SS18: variants seen among roughly 807,000 people sequenced by gnomAD.
SS18 encodes the protein SS18 subunit of BAF chromatin remodeling complex.
In SS18, 28 loss-of-function variants were observed where a neutral mutation model predicts 72.5. That is an observed-to-expected ratio of 0.39 (90% CI 0.29 to 0.53). The LOEUF is 0.53. SS18 is among the 20% of genes least tolerant of loss of function. SS18 has a pLI of 0.76. For synonymous variants in SS18, 172 were observed against 164.2 expected, an observed-to-expected ratio of 1.05 and a Z score of -0.37; for missense variants, 518 against 535.3, an observed-to-expected ratio of 0.97 and a Z score of 0.32.
At chr18:26,088,910 C>T (rs1230611357) in intron 1 of SS18, among the ~76,000 whole-genome samples, 5 of 152,026 alleles carry the variant, frequency 3.3e-5, no homozygotes, top group Non-Finnish European at 7.4e-5. Flanking sequence ...ACATGATCTG[C>T]TAATAAATGC....
intron 2 of SS18, chr18:26,080,343 G>T (rs1221117586): frequency 1.3e-5 from 13 of 984,272 alleles, no homozygotes; most frequent in Non-Finnish European, 1.4e-5. Flanking sequence ...CTTTGCTTGA[G>T]TATTAGTATG....
intron 4 of SS18, among the ~76,000 whole-genome samples, chr18:26,055,772 T>G (rs959412295): frequency 1.0e-4 from 15 of 150,338 alleles, no homozygotes; most frequent in African/African-American, 2.2e-4. Flanking sequence ...TTTTGTTTTT[T>G]TTTTTTGATG....
intron 3 of SS18, among the ~76,000 whole-genome samples, chr18:26,059,181 C>CA (rs1251950745): frequency 6.6e-6 from 1 of 152,098 alleles, no homozygotes; most frequent in Non-Finnish European, 1.5e-5. Flanking sequence ...AAAATCTAGA[C>CA]AAAAAGTAAA....
chr18:26,089,759 T>C (rs2054682365), intron 1 of SS18: 1 of 152,212 alleles, frequency 6.6e-6, no homozygotes, highest in African/African-American at 2.4e-5. Context: ...ACGACTTACA[T>C]TAACTGGTCA....
intron 5 of SS18, among the ~76,000 whole-genome samples, chr18:26,041,403 G>A (rs985335093): frequency 5.3e-5 from 8 of 152,120 alleles, no homozygotes; most frequent in East Asian, 1.9e-4. Flanking sequence ...CAGCCTGGGC[G>A]ACAAGTGTGA....
intron 2 of SS18, among the ~76,000 whole-genome samples, chr18:26,084,677 G>C (rs2054586382): frequency 6.6e-6 from 1 of 152,078 alleles, no homozygotes; most frequent in Non-Finnish European, 1.5e-5. Flanking sequence ...TGTATAGTGT[G>C]AATTTAATCA....
At chr18:26,082,199 A>G (rs1433422306) in intron 2 of SS18, among the ~76,000 whole-genome samples, 2 of 152,198 alleles carry the variant, frequency 1.3e-5, no homozygotes, top group Non-Finnish European at 2.9e-5. Context: ...ATATTCTCAA[A>G]TACTCATGAT....
intron 1 of SS18, among the ~76,000 whole-genome samples, chr18:26,088,276 T>C (rs895167707): frequency 6.6e-6 from 1 of 152,210 alleles, no homozygotes; most frequent in Non-Finnish European, 1.5e-5. Context: ...TTTTTCATCA[T>C]TCTAATGCTT....
chr18:26,040,409 G>A (rs2053703261), intron 5 of SS18, among the ~76,000 whole-genome samples: 1 of 152,188 alleles, frequency 6.6e-6, no homozygotes, highest in Admixed American at 6.5e-5. Flanking sequence ...TGTCTCAGAA[G>A]TATGGATGAG....
At position 26,047,259 on chromosome 18, in the gene SS18, C is replaced by CAA. The variant is rs71169806; in HGVS notation, c.607+5363_607+5364dup. ...CTGTTACCTTTGGAAAGTAATATGCCAAAAAAAAAAAAAAAAAAAAAAAGA... is the reference window on the plus strand; with the variant it reads ...CTGTTACCTTTGGAAAGTAATATGCCAAAAAAAAAAAAAAAAAAAAAAAAAGA... On this transcript the variant is annotated intron_variant, in intron 5 of 10. Coordinates refer to ENST00000415083, the MANE Select transcript of SS18 (RefSeq NM_001007559.3). Among the ~76,000 whole-genome samples, 637 of 75,408 alleles carry CAA rather than the reference C, an allele frequency of 8.4e-3. 5 individuals are homozygous for CAA. Among genetic ancestry groups the CAA allele is most frequent in the African/African-American group, 0.02 (468 of 23,068 alleles). The allele number at this position is 75,408 out of a possible 152,430, so 49.5% of individuals were successfully genotyped here. A position where few individuals can be genotyped will look rare whatever the true frequency, so the allele number is the denominator to read the frequency against.
chr18:26,034,588 CAAAA>C (rs60519717), intron 9 of SS18, among the ~76,000 whole-genome samples: 1 of 133,798 alleles, frequency 7.5e-6, no homozygotes. Flanking sequence ...CATTTGTACT[CAAAA>C]AAAAAAAAAA....
chr18:26,090,662 C>CGGGAATGCGGGGAGG, upstream of SS18: 2 of 1,307,776 alleles, frequency 1.5e-6, no homozygotes, highest in Non-Finnish European at 1.1e-6. Context: ...TGAACCACCT[C>CGGGAATGCGGGGAGG]GGGAATGCGG....
intron 10 of SS18, chr18:26,023,546 T>C: frequency 2.1e-6 from 1 of 465,468 alleles, no homozygotes; most frequent in Non-Finnish European, 4.0e-6. Context: ...ACAGCAAATG[T>C]CTCCTTGGAA....
At chr18:26,042,137 C>T (rs1159744899) in intron 5 of SS18, among the ~76,000 whole-genome samples, 2 of 152,124 alleles carry the variant, frequency 1.3e-5, no homozygotes, top group Admixed American at 1.3e-4. Context: ...TTATGCTACA[C>T]TGGCAATGTA....
At chr18:26,058,852 T>G (rs1360683062) in intron 3 of SS18, among the ~76,000 whole-genome samples, 1 of 152,212 alleles carries the variant, frequency 6.6e-6, no homozygotes, top group Admixed American at 6.5e-5. Flanking sequence ...ACTTGTATTC[T>G]TTAAACACTT....
intron 3 of SS18, among the ~76,000 whole-genome samples, chr18:26,074,834 A>G (rs1275666398): frequency 2.0e-5 from 3 of 152,094 alleles, no homozygotes; most frequent in East Asian, 1.9e-4. Flanking sequence ...TAAAAAACCC[A>G]TAATAAACAT....
At chr18:26,073,130 A>G (rs932635143) in intron 3 of SS18, among the ~76,000 whole-genome samples, 1 of 152,202 alleles carries the variant, frequency 6.6e-6, no homozygotes, top group Non-Finnish European at 1.5e-5. Flanking sequence ...AAGAACTCAA[A>G]TCGTAAAATG....
chr18:26,065,599 T>C (rs972923799), intron 3 of SS18, among the ~76,000 whole-genome samples: 6 of 151,708 alleles, frequency 4.0e-5, no homozygotes, highest in African/African-American at 7.3e-5. Context: ...ATCATGACTA[T>C]GACACAGGAA....
Position 26,033,911 on chromosome 18 carries a change from A to G in SS18, c.1096+1094T>C, listed in dbSNP as rs180969136. On this transcript the variant is annotated intron_variant, in intron 9 of 10. Coordinates refer to ENST00000415083, the MANE Select transcript of SS18 (RefSeq NM_001007559.3). ...CTGCATTACATCTGTTTTCATCCAA[A>G]GGCAATAAAACCAGAATATTGTATT... Among the ~76,000 whole-genome samples the G allele has an allele frequency of 1.3e-3, 198 of 152,308 alleles. 1 individual carries two copies. Among genetic ancestry groups the G allele is most frequent in the African/African-American group, 4.3e-3 (177 of 41,572 alleles).
Sources: allele counts gnomAD v4.1 joint callset (sites outside exome capture counted in the v4.1 genomes callset), GRCh38; gene constraint gnomAD v4.1.1; transcripts MANE v1.5; gene names NCBI Gene and HGNC (gene_info 2026-07-23, HGNC 2026-07-21).